Variants in SPAG16 observed in about 807,000 individuals in gnomAD.
SPAG16 encodes sperm-associated antigen 16 protein.
SPAG16 carries 86 observed loss-of-function variants against 80.4 expected under a neutral mutation model. The observed-to-expected ratio is 1.07, with a 90% confidence interval of 0.90 to 1.28. The LOEUF (loss-of-function observed/expected upper bound fraction) is 1.28, where lower values mean the gene tolerates loss of function less well. Among genes scored for constraint, SPAG16 ranks in the 50% most tolerant of loss-of-function variants. SPAG16 has a pLI of 0.00. For missense variants in SPAG16, 870 were observed against 765.3 expected (o/e 1.14, Z -1.61); for synonymous variants, 294 against 265.9 (o/e 1.11, Z -1.03).
chr2:213,862,498 C>G lies in SPAG16; in HGVS notation c.1084C>G (p.Pro362Ala). The G allele has an allele frequency of 6.2e-7, 1 of 1,613,944 alleles. No individual in the cohort carries two copies. Among genetic ancestry groups the G allele is most frequent in the East Asian group, 2.2e-5 (1 of 44,870 alleles). Residue 362 changes from proline to alanine, a missense_variant, in exon 11 of 16, where the codon CCC becomes GCC. Transcript: ENST00000331683. ...ELPVSCVSMQ[P>A]HKDILVSCGE... ...CTCCTCGCGCAGTGTCTCCATGCAA[C>G]CCCACAAAGACATCCTAGTCTCCTG...
At chr2:214,029,595 T>G (rs2048312401) in intron 13 of SPAG16, among the ~76,000 whole-genome samples, 1 of 140,600 alleles carries the variant, frequency 7.1e-6, no homozygotes, top group African/African-American at 2.5e-5. Context: ...AAGATGTGGT[T>G]AGAGAAAATT....
intron 13 of SPAG16, among the ~76,000 whole-genome samples, chr2:214,085,333 C>G (rs1382048972): frequency 6.8e-6 from 1 of 146,094 alleles, no homozygotes; most frequent in East Asian, 2.0e-4. Context: ...GATCTGACAT[C>G]AAGCCAATGC....
chr2:213,307,224 C>CT (rs2062976601), intron 3 of SPAG16, among the ~76,000 whole-genome samples: 1 of 151,040 alleles, frequency 6.6e-6, no homozygotes, highest in Non-Finnish European at 1.5e-5. Flanking sequence ...TATTATTATA[C>CT]TTTAAGTTTT....
intron 11 of SPAG16, among the ~76,000 whole-genome samples, chr2:213,905,028 A>G (rs1370288599): frequency 6.6e-6 from 1 of 152,244 alleles, no homozygotes; most frequent in Non-Finnish European, 1.5e-5. Flanking sequence ...AAGCATTAGA[A>G]TGAAGACCAG....
chr2:214,223,737 G>T (rs1016928871), intron 15 of SPAG16, among the ~76,000 whole-genome samples: 2 of 152,050 alleles, frequency 1.3e-5, no homozygotes, highest in African/African-American at 4.8e-5. Context: ...CTGTACCAGA[G>T]ATATAAATAT....
chr2:214,123,031 T>C (rs543640715), intron 14 of SPAG16, among the ~76,000 whole-genome samples: 13 of 152,054 alleles, frequency 8.5e-5, no homozygotes, highest in African/African-American at 2.6e-4. Flanking sequence ...TAATACTTTT[T>C]GTACTTTGGA....
intron 9 of SPAG16, among the ~76,000 whole-genome samples, chr2:213,436,913 CTT>C (rs1249727287): frequency 6.9e-6 from 1 of 145,558 alleles, no homozygotes; most frequent in African/African-American, 2.5e-5. Context: ...ATGATAAACT[CTT>C]TTTTTTTTTT....
chr2:214,108,862 A>C (rs985838905), intron 14 of SPAG16, among the ~76,000 whole-genome samples: 5 of 152,188 alleles, frequency 3.3e-5, no homozygotes, highest in Admixed American at 6.5e-5. Flanking sequence ...ATGATTTCAC[A>C]AACAATGAAA....
At chr2:214,246,793 T>C (rs1689880113) in intron 15 of SPAG16, among the ~76,000 whole-genome samples, 1 of 152,126 alleles carries the variant, frequency 6.6e-6, no homozygotes, top group Non-Finnish European at 1.5e-5. Context: ...ATTTTGGAGA[T>C]ATTTTTAATG....
At chr2:213,603,781 C>G (rs568901649) in intron 10 of SPAG16, among the ~76,000 whole-genome samples, 1 of 152,324 alleles carries the variant, frequency 6.6e-6, no homozygotes, top group African/African-American at 2.4e-5. Flanking sequence ...GCTGAATCCT[C>G]TGGCCTACCA....
At chr2:214,180,166 G>A (rs953904454) in intron 15 of SPAG16, among the ~76,000 whole-genome samples, 1 of 151,566 alleles carries the variant, frequency 6.6e-6, no homozygotes, top group Non-Finnish European at 1.5e-5. Context: ...TCCTGCAACT[G>A]GGGAGTAATT....
rs560199279 is a variant in SPAG16, at chr2:213,623,750, C to T, written c.1070+133660C>T. 9.9e-5 allele frequency among the ~76,000 whole-genome samples: 15 copies of T among 152,038 alleles called. No homozygotes were observed. The South Asian group carries it at 2.7e-3, about 27-fold the overall frequency. On this transcript the variant is annotated intron_variant, in intron 10 of 15. Coordinates refer to ENST00000331683, the MANE Select transcript of SPAG16 (RefSeq NM_024532.5). ...TTTTGGTTAATATTCAAAAACTGAC[C>T]TCTGAAAATAATAAAAAATGTGTTA...
At chr2:214,368,233 A>T (rs1699606043) in intron 15 of SPAG16, among the ~76,000 whole-genome samples, 1 of 152,012 alleles carries the variant, frequency 6.6e-6, no homozygotes, top group South Asian at 2.1e-4. Flanking sequence ...ATCTGTTCAG[A>T]TATCCCATGT....
intron 13 of SPAG16, among the ~76,000 whole-genome samples, chr2:214,057,611 A>G (rs2050013494): frequency 6.6e-6 from 1 of 152,166 alleles, no homozygotes; most frequent in Admixed American, 6.6e-5. Context: ...AAAGTCACCA[A>G]CTGCATTTGC....
At chr2:213,714,306 A>G (rs1434663552) in intron 10 of SPAG16, among the ~76,000 whole-genome samples, 16 of 152,228 alleles carry the variant, frequency 1.1e-4, no homozygotes, top group Admixed American at 1.0e-3. Context: ...TAAGCATCCC[A>G]TAAGGGAAAG....
intron 15 of SPAG16, among the ~76,000 whole-genome samples, chr2:214,290,810 C>T (rs143282078): frequency 1.3e-5 from 2 of 152,164 alleles, no homozygotes; most frequent in African/African-American, 4.8e-5. Flanking sequence ...TATGGTTTAT[C>T]CTGAAGAATG....
intron 10 of SPAG16, among the ~76,000 whole-genome samples, chr2:213,620,885 G>A (rs2061758250): frequency 6.6e-6 from 1 of 152,102 alleles, no homozygotes; most frequent in South Asian, 2.1e-4. Context: ...TTAAGAAATT[G>A]AAACACATCA....
chr2:213,610,201 T>A (rs2061397866), intron 10 of SPAG16, among the ~76,000 whole-genome samples: 1 of 152,216 alleles, frequency 6.6e-6, no homozygotes, highest in Non-Finnish European at 1.5e-5. Flanking sequence ...AAAATATACT[T>A]CTTTGACAAA....
At chr2:213,740,468 G>A (rs2067495497) in intron 10 of SPAG16, among the ~76,000 whole-genome samples, 1 of 152,194 alleles carries the variant, frequency 6.6e-6, no homozygotes, top group Non-Finnish European at 1.5e-5. Context: ...TGCCTGTAAA[G>A]AGGGCCACAT....
Sources: gnomAD v4.1 joint callset for allele counts (sites outside exome capture counted in the v4.1 genomes callset) on GRCh38, gnomAD v4.1.1 for gene constraint, MANE v1.5 for transcripts, NCBI Gene and HGNC (gene_info 2026-07-23, HGNC 2026-07-21) for gene names.